RBFOX1: variants seen among roughly 807,000 people sequenced by gnomAD.
The protein encoded by RBFOX1 is RNA binding protein fox-1 homolog 1.
A neutral mutation model predicts 57.7 loss-of-function variants in RBFOX1; 8 were observed. The observed-to-expected ratio is 0.14, with a 90% CI of 0.08 to 0.25. The LOEUF is 0.25. RBFOX1 is among the 10% of genes least tolerant of loss of function. The pLI is 1.00. For synonymous variants in RBFOX1, 326 were observed against 222.4 expected (o/e 1.47, Z -4.15); for missense variants, 611 against 548.5 (o/e 1.11, Z -1.14).
intron 3 of RBFOX1, among the ~76,000 whole-genome samples, chr16:5,676,732 C>G (rs888844253): frequency 6.6e-6 from 1 of 152,140 alleles, no homozygotes; most frequent in Non-Finnish European, 1.5e-5. Context: ...TGTGGCAGCA[C>G]ATGCCTGCAA....
intron 4 of RBFOX1, among the ~76,000 whole-genome samples, chr16:7,486,323 C>A (rs967412771): frequency 3.3e-5 from 5 of 151,248 alleles, no homozygotes; most frequent in Non-Finnish European, 5.9e-5. Flanking sequence ...GGTAGAGATG[C>A]GGTTTCACCA....
At chr16:7,661,425 TC>T (rs1282429367) in intron 12 of RBFOX1, among the ~76,000 whole-genome samples, 3 of 152,118 alleles carry the variant, frequency 2.0e-5, no homozygotes, top group Non-Finnish European at 4.4e-5. Flanking sequence ...TGCAGTACCC[TC>T]ACCCCACCAC....
chr16:6,341,138 G>C (rs1003860987), intron 2 of RBFOX1, among the ~76,000 whole-genome samples: 7 of 152,154 alleles, frequency 4.6e-5, no homozygotes, highest in African/African-American at 1.7e-4. Flanking sequence ...GAAGTTAAAA[G>C]TCTAACATGG....
chr16:6,607,205 G>A (rs974207415), intron 2 of RBFOX1, among the ~76,000 whole-genome samples: 5 of 152,116 alleles, frequency 3.3e-5, no homozygotes, highest in Admixed American at 2.0e-4. Flanking sequence ...ACTGATTGGG[G>A]ACAATGACAG....
chr16:7,437,226 C>T (rs138020168), intron 4 of RBFOX1, among the ~76,000 whole-genome samples: 1 of 149,650 alleles, frequency 6.7e-6, no homozygotes, highest in Non-Finnish European at 1.5e-5. Context: ...CTATCCTCAA[C>T]TGTGCTAGAA....
At position 5,346,055 on chromosome 16, in the gene RBFOX1, A is replaced by T. The variant is rs140393882; in HGVS notation, c.219+105950A>T. Among the ~76,000 whole-genome samples the T allele has an allele frequency of 1.3e-3, 204 of 152,322 alleles. 1 individual carries two copies. In the Middle Eastern group the frequency reaches 0.014, roughly 10 times the overall value. On this transcript the variant is annotated intron_variant, in intron 1 of 2. Coordinates refer to the RBFOX1 transcript ENST00000585867. ...TCTGTGCTGAGACTTGGAACCTGAAAGGCTCTTTGCCTTCCAGCAGCCCAC... is the reference window on the plus strand; with the variant it reads ...TCTGTGCTGAGACTTGGAACCTGAATGGCTCTTTGCCTTCCAGCAGCCCAC...
chr16:7,270,194 C>T (rs1252526423), intron 4 of RBFOX1, among the ~76,000 whole-genome samples: 4 of 152,312 alleles, frequency 2.6e-5, no homozygotes, highest in African/African-American at 7.2e-5. Flanking sequence ...GGCTCTGTTC[C>T]GCCCCCAGGC....
At chr16:6,309,535 C>T (rs1158593331) in intron 1 of RBFOX1, among the ~76,000 whole-genome samples, 1 of 152,154 alleles carries the variant, frequency 6.6e-6, no homozygotes, top group Non-Finnish European at 1.5e-5. Flanking sequence ...ACAGGAGGCT[C>T]ATGCCAGCCC....
In RBFOX1 at chr16:7,162,653, T is replaced by C. The variant is rs146018317; in HGVS notation, c.27+110555T>C. Among the ~76,000 whole-genome samples, 664 of 151,638 alleles carry C rather than the reference T, an allele frequency of 4.4e-3. 5 individuals carry two copies. Among genetic ancestry groups the C allele is most frequent in the African/African-American group, 0.015 (637 of 41,342 alleles). On this transcript the variant is annotated intron_variant, in intron 4 of 15. Coordinates refer to ENST00000550418, the MANE Select transcript of RBFOX1 (RefSeq NM_018723.4). The stretch of plus-strand genomic sequence containing the variant: ...CTGAGGCAGGAGAATGGCTTGAACC[T>C]GGGAGACAGAGGTTGCAGTGAGCTG...
At chr16:5,529,981 A>C (rs1164684837) in intron 2 of RBFOX1, among the ~76,000 whole-genome samples, 3 of 152,178 alleles carry the variant, frequency 2.0e-5, no homozygotes, top group African/African-American at 7.2e-5. Context: ...CCAAGGCAAG[A>C]GGCACACAAC....
At chr16:5,680,925 G>A (rs1057272554) in intron 3 of RBFOX1, among the ~76,000 whole-genome samples, 1 of 151,884 alleles carries the variant, frequency 6.6e-6, no homozygotes, top group Non-Finnish European at 1.5e-5. Context: ...TTGGTTGGGG[G>A]GCAGGGGTGC....
Position 7,085,182 on chromosome 16 carries a change from C to A in RBFOX1, c.27+33084C>A, listed in dbSNP as rs1398549133. Reference sequence around the variant, plus strand: ...AACATAAATGCCTCCAAGGGCCAGGCCTATAAAGGAAAATTGGTTATTCTA... The same window carrying A: ...AACATAAATGCCTCCAAGGGCCAGGACTATAAAGGAAAATTGGTTATTCTA... On this transcript the variant is annotated intron_variant, in intron 4 of 15. Transcript: ENST00000550418. Among the ~76,000 whole-genome samples the A allele has an allele frequency of 1.8e-4, 28 of 152,018 alleles. 1 individual carries two copies. Among genetic ancestry groups the A allele is most frequent in the Admixed American group, 1.8e-3 (28 of 15,248 alleles).
intron 2 of RBFOX1, among the ~76,000 whole-genome samples, chr16:6,491,588 G>A (rs1179024703): frequency 1.3e-5 from 2 of 152,098 alleles, no homozygotes; most frequent in African/African-American, 2.4e-5. Flanking sequence ...CCTTCTTATT[G>A]ATAGTGTCTA....
At chr16:5,857,562 A>G (rs2057103568) in intron 3 of RBFOX1, among the ~76,000 whole-genome samples, 1 of 152,188 alleles carries the variant, frequency 6.6e-6, no homozygotes, top group Non-Finnish European at 1.5e-5. Context: ...TGGCTGTGAC[A>G]GCCAAATATG....
chr16:6,966,402 G>T (rs994417800), intron 3 of RBFOX1, among the ~76,000 whole-genome samples: 2 of 152,110 alleles, frequency 1.3e-5, no homozygotes, highest in African/African-American at 2.4e-5. Flanking sequence ...GGAGGAAGGG[G>T]TACATGACCC....
At chr16:5,467,543 A>G (rs779352510) in intron 2 of RBFOX1, among the ~76,000 whole-genome samples, 1 of 152,164 alleles carries the variant, frequency 6.6e-6, no homozygotes, top group Non-Finnish European at 1.5e-5. Context: ...ATTGGGAACA[A>G]TGAGGGTGCT....
intron 2 of RBFOX1, among the ~76,000 whole-genome samples, chr16:6,613,714 A>T (rs2098102418): frequency 6.6e-6 from 1 of 152,218 alleles, no homozygotes; most frequent in South Asian, 2.1e-4. Flanking sequence ...AGGAGGGCAG[A>T]TCACTCGAGG....
chr16:5,459,373 C>T (rs894568579), intron 1 of RBFOX1, among the ~76,000 whole-genome samples: 7 of 152,126 alleles, frequency 4.6e-5, no homozygotes, highest in African/African-American at 1.7e-4. Flanking sequence ...TTTTGTGGGA[C>T]CCCAGGTGGA....
At chr16:7,635,524 T>G (rs2061609997) in intron 11 of RBFOX1, among the ~76,000 whole-genome samples, 1 of 152,094 alleles carries the variant, frequency 6.6e-6, no homozygotes, top group South Asian at 2.1e-4. Context: ...TCTTTCTACA[T>G]TTTCTCCGTG....
Sources: allele counts gnomAD v4.1 joint callset (sites outside exome capture counted in the v4.1 genomes callset), GRCh38; gene constraint gnomAD v4.1.1; transcripts MANE v1.5; gene names NCBI Gene and HGNC (gene_info 2026-07-23, HGNC 2026-07-21).